Variants in RAD51C observed in about 807,000 individuals in gnomAD.
RAD51C encodes DNA repair protein RAD51 homolog 3.
RAD51C carries 42 observed loss-of-function variants against 45.0 expected under a neutral mutation model. The ratio of observed to expected loss-of-function variants is 0.93; its 90% CI spans 0.73 to 1.21. The LOEUF is 1.21. RAD51C is among the 50% of genes most tolerant of loss of function. The pLI is 0.00. For missense variants in RAD51C, 474 were observed against 452.2 expected, an observed-to-expected ratio of 1.05 and a Z score of -0.44; for synonymous variants, 172 against 159.8, an observed-to-expected ratio of 1.08 and a Z score of -0.58.
Position 58,726,676 on chromosome 17 carries a change from GTA to G in RAD51C, c.965+2580_965+2581del, listed in dbSNP as rs201968990. ...TATAGATGTATATACATATACGTATGTATATGTGTGTGTATATATATAATTTC... is the reference window on the plus strand; with the variant it reads ...TATAGATGTATATACATATACGTATGTATGTGTGTGTATATATATAATTTC... On this transcript the variant is annotated intron_variant, in intron 7 of 8. Coordinates refer to ENST00000337432, the MANE Select transcript of RAD51C (RefSeq NM_058216.3). 2.3e-3 allele frequency among the ~76,000 whole-genome samples: 350 copies of G among 151,564 alleles called. 16 individuals are homozygous for G. In the East Asian group the frequency reaches 0.057, roughly 25 times the overall value.
rs876659875 is a variant in RAD51C at position 58,724,087 on chromosome 17, G to T, written c.952G>T (p.Asp318Tyr). Residue 318 changes from aspartate (D) to tyrosine (Y), a missense_variant, in exon 7 of 9, where the codon GAC (aspartate) becomes TAC (tyrosine). Asp to Tyr is a radical substitution (Grantham distance 160). Transcript: ENST00000337432. The part of the protein sequence containing the change: ...AATIRLIFHW[D>Y]RKQRLATLYK... ...TACAATACGGCTAATCTTTCATTGG[G>T]ACCGAAAGCAAAGGTCAGTACAGAA... 1 of 1,612,588 alleles carries T rather than the reference G, an allele frequency of 6.2e-7. No individual in the cohort carries two copies. The highest frequency in any genetic ancestry group is 1.3e-5 in the African/African-American group (1 of 74,874).
rs545024029 is a variant in RAD51C, at chr17:58,734,219, A to G, written c.1128A>G (p.Leu376=). The change falls in exon 9 of 9, where the codon TTA becomes TTG. Residue 376 remains leucine, a synonymous_variant. Coordinates refer to ENST00000337432, the MANE Select transcript of RAD51C (RefSeq NM_058216.3). ...RKRSRDPEEE[L] Reference sequence around the variant, plus strand: ...GGTCACGAGACCCAGAGGAAGAATTATAACCCAGAAACAAATCTCAAAGTG... The same window carrying G: ...GGTCACGAGACCCAGAGGAAGAATTGTAACCCAGAAACAAATCTCAAAGTG... The G allele has an allele frequency of 3.7e-6, 6 of 1,610,670 alleles. No individual in the cohort carries two copies. In the Admixed American group the frequency reaches 1.0e-4, roughly 27 times the overall value.
chr17:58,703,151 A>T (rs2143795527), intron 3 of RAD51C, 45 bp from the exon 4 acceptor site: 1 of 1,590,162 alleles, frequency 6.3e-7, no homozygotes, highest in Non-Finnish European at 8.6e-7. Context: ...AATTGCCAAT[A>T]CATCCAAACA....
chr17:58,694,436 C>T (rs946824854), intron 1 of RAD51C: 3 of 164,288 alleles, frequency 1.8e-5, no homozygotes, highest in African/African-American at 4.9e-5. Flanking sequence ...ATAGGTAATT[C>T]TTTATGTGAT....
chr17:58,709,309 C>T (rs2048474482), intron 4 of RAD51C, among the ~76,000 whole-genome samples: 1 of 151,804 alleles, frequency 6.6e-6, no homozygotes, highest in South Asian at 2.1e-4. Flanking sequence ...GAACTCCTGA[C>T]CTCGTGATCC....
At chr17:58,710,964 CA>C (rs1199469650) in intron 5 of RAD51C, among the ~76,000 whole-genome samples, 1 of 152,118 alleles carries the variant, frequency 6.6e-6, no homozygotes, top group Non-Finnish European at 1.5e-5. Context: ...GAGACCTTAG[CA>C]CATACCTGTA....
At chr17:58,732,455 G>A (rs2144043372) in intron 7 of RAD51C, 29 bp from the exon 8 acceptor site, 1 of 1,588,176 alleles carries the variant, frequency 6.3e-7, no homozygotes, top group Non-Finnish European at 8.6e-7. Context: ...TCATGTGTTT[G>A]TATGTATTTA....
chr17:58,720,883 G>A (rs2048897435), intron 6 of RAD51C, 71 bp downstream of exon 6: 2 of 1,270,498 alleles, frequency 1.6e-6, no homozygotes, highest in Non-Finnish European at 2.3e-6. Context: ...GATTCTCATT[G>A]AGTACTATAC....
Position 58,694,482 on chromosome 17 carries a change from T to C in RAD51C, c.146-449T>C, listed in dbSNP as rs200728411. ...ACGAATACCTTTATTAAGCTGAATTTTTTTTTTTTTTTTTTTGAGACGGAG... is the reference window on the plus strand; with the variant it reads ...ACGAATACCTTTATTAAGCTGAATTCTTTTTTTTTTTTTTTTGAGACGGAG... On this transcript the variant is annotated intron_variant, in intron 1 of 8. Transcript: ENST00000337432. The C allele has an allele frequency of 9.6e-5, 15 of 155,526 alleles. No individual in the cohort carries two copies. The East Asian group carries it at 2.4e-3, about 25-fold the overall frequency. 9.6% of individuals were successfully genotyped at this position (155,526 alleles called of 1,614,324 possible).
intron 7 of RAD51C, among the ~76,000 whole-genome samples, chr17:58,728,006 G>A (rs1273966767): frequency 6.6e-6 from 1 of 151,914 alleles, no homozygotes; most frequent in East Asian, 1.9e-4. Context: ...ACTTTGGGAG[G>A]CCAAGGCAGG....
intron 1 of RAD51C, 148 bp downstream of exon 1, chr17:58,692,936 C>T (rs1433049538): frequency 1.7e-6 from 2 of 1,171,752 alleles, no homozygotes; most frequent in Non-Finnish European, 2.4e-6. Context: ...AGCTCCTCGA[C>T]TCCACTTACA....
intron 8 of RAD51C, among the ~76,000 whole-genome samples, chr17:58,733,122 TC>T (rs1195373256): frequency 6.6e-6 from 1 of 152,162 alleles, no homozygotes; most frequent in Non-Finnish European, 1.5e-5. Context: ...TTTAAGCAAT[TC>T]TCCTGCCTCA....
intron 5 of RAD51C, 109 bp downstream of exon 5, chr17:58,710,099 C>A: frequency 1.6e-6 from 2 of 1,261,988 alleles, no homozygotes; most frequent in Non-Finnish European, 2.3e-6. Flanking sequence ...TATAGACATG[C>A]AGTTTTGAGT....
chr17:58,714,190 G>A (rs1197949089), intron 5 of RAD51C, among the ~76,000 whole-genome samples: 1 of 151,908 alleles, frequency 6.6e-6, no homozygotes, highest in East Asian at 1.9e-4. Context: ...TCACCATGTT[G>A]GCCAGGCTGG....
At chr17:58,694,859 A>G in intron 1 of RAD51C, 72 bp from the exon 2 acceptor site, 1 of 1,332,150 alleles carries the variant, frequency 7.5e-7, no homozygotes, top group South Asian at 1.2e-5. Context: ...AAATTAATAA[A>G]GACAATCGAT....
chr17:58,695,641 T>C (rs1257511679), intron 2 of RAD51C, among the ~76,000 whole-genome samples: 1 of 151,906 alleles, frequency 6.6e-6, no homozygotes, highest in Non-Finnish European at 1.5e-5. Flanking sequence ...GAAAATTAGC[T>C]GAGTGTGGTG....
intron 5 of RAD51C, among the ~76,000 whole-genome samples, chr17:58,711,608 A>G (rs2048558763): frequency 6.6e-6 from 1 of 151,894 alleles, no homozygotes; most frequent in African/African-American, 2.4e-5. Flanking sequence ...CTAGAGGCAC[A>G]TGCCACCATG....
chr17:58,702,634 A>C (rs2048248174), intron 3 of RAD51C, among the ~76,000 whole-genome samples: 1 of 151,802 alleles, frequency 6.6e-6, no homozygotes, highest in Non-Finnish European at 1.5e-5. Flanking sequence ...CAGAGGTTGC[A>C]GTGTGCCAAG....
Position 58,695,177 on chromosome 17 carries a change from A to G in RAD51C, c.392A>G (p.Lys131Arg), listed in dbSNP as rs762761380. ...TEICGAPGVG[K>R]TQLCMQLAVD... ...ATTTGTGGTGCACCAGGTGTTGGAA[A>G]AACACAATTATGGTAAAATAAAGTG... The change falls in exon 2 of 9, where the codon AAA becomes AGA. Residue 131 changes from lysine (K) to arginine (R), a missense_variant. Coordinates refer to ENST00000337432, the MANE Select transcript of RAD51C (RefSeq NM_058216.3). 4 of 1,611,694 alleles carry G rather than the reference A, an allele frequency of 2.5e-6. No homozygotes were observed. In the South Asian group the frequency reaches 4.4e-5, roughly 18 times the overall value.
Sources: gnomAD v4.1 joint callset for allele counts (sites outside exome capture counted in the v4.1 genomes callset) on GRCh38, gnomAD v4.1.1 for gene constraint, MANE v1.5 for transcripts, NCBI Gene and HGNC (gene_info 2026-07-23, HGNC 2026-07-21) for gene names.